PPP3CC: variants seen among roughly 807,000 people sequenced by gnomAD.
PPP3CC encodes protein phosphatase 3 catalytic subunit gamma, also known as serine/threonine-protein phosphatase 2B catalytic subunit gamma isoform.
In PPP3CC, 35 loss-of-function variants were observed where a neutral mutation model predicts 60.3. That is an observed-to-expected ratio of 0.58 (90% CI 0.44 to 0.77). The LOEUF (loss-of-function observed/expected upper bound fraction) is 0.77. Among genes scored for constraint, PPP3CC ranks in the 30% least tolerant of loss-of-function variants. The probability of loss-of-function intolerance (pLI) is 0.00; values close to 1 mark genes in which losing one functional copy is unlikely to be tolerated. For synonymous variants in PPP3CC, 206 were observed against 224.3 expected, an observed-to-expected ratio of 0.92 and a Z score of 0.73; for missense variants, 570 against 628.9, an observed-to-expected ratio of 0.91 and a Z score of 1.00.
chr8:22,504,164 T>C (rs1351918481), intron 4 of PPP3CC, among the ~76,000 whole-genome samples: 1 of 152,198 alleles, frequency 6.6e-6, no homozygotes. Flanking sequence ...TTTAAATTGA[T>C]GTATAATAGT....
chr8:22,510,947 A>G, intron 4 of PPP3CC, 139 bp from the exon 5 acceptor site: 2 of 940,794 alleles, frequency 2.1e-6, no homozygotes, highest in Non-Finnish European at 3.2e-6. Flanking sequence ...TTTCAAAAGT[A>G]TCTTTACAAA....
intron 2 of PPP3CC, 49 bp from the exon 3 acceptor site, chr8:22,475,451 C>T (rs370150861): frequency 3.2e-5 from 50 of 1,555,654 alleles, no homozygotes; most frequent in Non-Finnish European, 4.0e-5. Context: ...TAATGCCCTT[C>T]GTCTTCTAAG....
intron 4 of PPP3CC, among the ~76,000 whole-genome samples, chr8:22,510,254 C>T (rs1839047792): frequency 6.6e-6 from 1 of 151,354 alleles, no homozygotes; most frequent in Admixed American, 6.6e-5. Context: ...CTCAAGCAAT[C>T]CCCCGACCTC....
chr8:22,516,012 C>T (rs1047097641), intron 6 of PPP3CC, among the ~76,000 whole-genome samples: 1 of 151,942 alleles, frequency 6.6e-6, no homozygotes, highest in Non-Finnish European at 1.5e-5. Flanking sequence ...CATAACAGCT[C>T]ACTACAGCCT....
intron 4 of PPP3CC, among the ~76,000 whole-genome samples, chr8:22,501,668 C>G (rs1025047407): frequency 6.6e-6 from 1 of 152,168 alleles, no homozygotes; most frequent in African/African-American, 2.4e-5. Context: ...CTCTGACCTT[C>G]TCTTCTGTGA....
chr8:22,532,390 T>A lies in PPP3CC; in HGVS notation c.1223+84T>A. On this transcript the variant is annotated intron_variant, in intron 11 of 13. Coordinates refer to ENST00000240139, the MANE Select transcript of PPP3CC (RefSeq NM_005605.5). Reference sequence around the variant, plus strand: ...CGAATTCAGAACAGTTTTTTTATAATTGGAATGTAGTATTGAAACTGCAGG... The same window carrying A: ...CGAATTCAGAACAGTTTTTTTATAAATGGAATGTAGTATTGAAACTGCAGG... 3.4e-6 allele frequency: 4 copies of A among 1,160,546 alleles called. No homozygotes were observed. In the South Asian group the frequency reaches 5.3e-5, roughly 15 times the overall value. The allele number at this position is 1,160,546 out of a possible 1,614,324, so 71.9% of individuals were successfully genotyped here. A position where few individuals can be genotyped will look rare whatever the true frequency, so the allele number is the denominator to read the frequency against.
intron 4 of PPP3CC, among the ~76,000 whole-genome samples, chr8:22,504,974 C>T (rs1284754640): frequency 6.6e-6 from 1 of 151,058 alleles, no homozygotes; most frequent in Non-Finnish European, 1.5e-5. Flanking sequence ...AACCTCATAG[C>T]TCTGGATCAG....
Position 22,504,445 on chromosome 8 carries a change from G to A in PPP3CC, c.484+6333G>A, listed in dbSNP as rs147400523. Among the ~76,000 whole-genome samples, 1,272 of 152,102 alleles carry A rather than the reference G, an allele frequency of 8.4e-3. 23 individuals carry two copies. The highest frequency in any genetic ancestry group is 0.029 in the African/African-American group (1,212 of 41,468). Reference sequence around the variant, plus strand: ...GCTTCCCGAGTAGCTGGGACTGTAGGTGTGTGCCACCATGCCTGGCTAATT... The same window carrying A: ...GCTTCCCGAGTAGCTGGGACTGTAGATGTGTGCCACCATGCCTGGCTAATT... On this transcript the variant is annotated intron_variant, in intron 4 of 13. Transcript: ENST00000240139.
At chr8:22,539,861 G>A (rs1300136695) in intron 13 of PPP3CC, among the ~76,000 whole-genome samples, 2 of 152,132 alleles carry the variant, frequency 1.3e-5, no homozygotes, top group African/African-American at 2.4e-5. Flanking sequence ...CCTCTTCAGC[G>A]ATTCTAAAAG....
At position 22,466,958 on chromosome 8, in the gene PPP3CC, C is replaced by T. The variant is rs563328597; in HGVS notation, c.50-7996C>T. ...TGGGGGTCTCACCATGCTGCCCAGG[C>T]TGGTTTCGAACTCTTGGCTTCAAGC... is the stretch of plus-strand genomic sequence containing the variant. On this transcript the variant is annotated intron_variant, in intron 1 of 13. Transcript: ENST00000240139. Among the ~76,000 whole-genome samples the T allele has an allele frequency of 6.6e-5, 10 of 152,204 alleles. No homozygotes were observed. In the South Asian group the frequency reaches 1.0e-3, roughly 16 times the overall value.
intron 1 of PPP3CC, among the ~76,000 whole-genome samples, chr8:22,458,698 A>T (rs1189650073): frequency 6.6e-6 from 1 of 152,102 alleles, no homozygotes; most frequent in African/African-American, 2.4e-5. Context: ...GGCTACCTAT[A>T]GAAACTTAGA....
chr8:22,473,568 A>G (rs1837795781), intron 1 of PPP3CC, among the ~76,000 whole-genome samples: 2 of 151,812 alleles, frequency 1.3e-5, no homozygotes, highest in African/African-American at 2.4e-5. Flanking sequence ...GATTCAAGCA[A>G]TTCTTCTGCC....
At chr8:22,485,240 A>C (rs1838190618) in intron 3 of PPP3CC, among the ~76,000 whole-genome samples, 1 of 152,204 alleles carries the variant, frequency 6.6e-6, no homozygotes, top group African/African-American at 2.4e-5. Context: ...GCAAAGGCCA[A>C]ATAAACGCAA....
intron 12 of PPP3CC, among the ~76,000 whole-genome samples, 184 bp from the exon 13 acceptor site, chr8:22,539,285 C>T (rs1745577475): frequency 6.6e-6 from 1 of 151,828 alleles, no homozygotes; most frequent in Non-Finnish European, 1.5e-5. Flanking sequence ...CCCCATATTC[C>T]TCCCACCCCA....
intron 1 of PPP3CC, among the ~76,000 whole-genome samples, chr8:22,453,559 G>A (rs141191033): frequency 1.3e-5 from 2 of 152,192 alleles, no homozygotes; most frequent in South Asian, 4.1e-4. Flanking sequence ...GTATTTGCAG[G>A]ATGGGGTTTT....
chr8:22,523,400 T>C (rs1341556226), intron 8 of PPP3CC, among the ~76,000 whole-genome samples: 1 of 152,210 alleles, frequency 6.6e-6, no homozygotes, highest in Non-Finnish European at 1.5e-5. Context: ...TGATTAATAG[T>C]TTATAAGTTT....
At chr8:22,464,665 G>C (rs923836052) in intron 1 of PPP3CC, among the ~76,000 whole-genome samples, 1 of 152,050 alleles carries the variant, frequency 6.6e-6, no homozygotes, top group East Asian at 1.9e-4. Flanking sequence ...TCTTTTTATA[G>C]GTGTGAGTCA....
chr8:22,460,324 A>G (rs952661152), intron 1 of PPP3CC, among the ~76,000 whole-genome samples: 3 of 152,102 alleles, frequency 2.0e-5, no homozygotes, highest in African/African-American at 7.2e-5. Context: ...TATTTTTGTA[A>G]ATTCTGTGCT....
chr8:22,461,205 A>G (rs564614444), intron 1 of PPP3CC, among the ~76,000 whole-genome samples: 2 of 152,318 alleles, frequency 1.3e-5, no homozygotes, highest in South Asian at 2.1e-4. Context: ...AGTTCCACAT[A>G]TGAAGTTTGT....
Sources: allele counts gnomAD v4.1 joint callset (sites outside exome capture counted in the v4.1 genomes callset), GRCh38; gene constraint gnomAD v4.1.1; transcripts MANE v1.5; gene names NCBI Gene and HGNC (gene_info 2026-07-23, HGNC 2026-07-21).